NUSAP1: variants seen among roughly 807,000 people sequenced by gnomAD.
NUSAP1 encodes the protein nucleolar and spindle associated protein 1.
NUSAP1 carries 32 observed loss-of-function variants against 52.8 expected under a neutral mutation model. The ratio of observed to expected loss-of-function variants is 0.61; its 90% CI spans 0.46 to 0.81. The LOEUF (loss-of-function observed/expected upper bound fraction) is 0.81, where lower values mean the gene tolerates loss of function less well. Ranked by LOEUF, NUSAP1 falls within the 40% of genes least tolerant of loss-of-function variation. NUSAP1 has a pLI of 0.00. For synonymous variants in NUSAP1, 195 were observed against 183.1 expected, an observed-to-expected ratio of 1.06 and a Z score of -0.52; for missense variants, 499 against 522.3, an observed-to-expected ratio of 0.96 and a Z score of 0.43.
chr15:41,368,375 C>T (rs2049507607), intron 7 of NUSAP1, among the ~76,000 whole-genome samples: 1 of 152,168 alleles, frequency 6.6e-6, no homozygotes. Flanking sequence ...GAAACTTTTC[C>T]ATTGACTTAA....
intron 6 of NUSAP1, among the ~76,000 whole-genome samples, chr15:41,361,203 G>A (rs1595573681): frequency 6.6e-6 from 1 of 152,040 alleles, no homozygotes; most frequent in Non-Finnish European, 1.5e-5. Flanking sequence ...AGACCAGCCT[G>A]ACCAACATGG....
intron 1 of NUSAP1, among the ~76,000 whole-genome samples, chr15:41,338,943 C>T (rs920276919): frequency 4.6e-5 from 7 of 151,646 alleles, no homozygotes; most frequent in African/African-American, 1.2e-4. Flanking sequence ...CCACCCTGGG[C>T]GACAGAGCGA....
chr15:41,380,377 T>G lies in NUSAP1; in HGVS notation c.*191T>G, dbSNP rs909162262. ...AGACGTTATCACCTTAAAGCTCAAA[T>G]TCTTTGGGATGGTTTTTACTTAAGT... is the stretch of plus-strand genomic sequence containing the variant. On this transcript the variant is annotated 3_prime_UTR_variant, in exon 11 of 11. Transcript: ENST00000559596. 7.1e-6 allele frequency: 3 copies of G among 425,378 alleles called. No homozygotes were observed. Among genetic ancestry groups the G allele is most frequent in the Non-Finnish European group, 1.3e-5 (3 of 236,820 alleles). The allele number at this position is 425,378 out of a possible 1,614,324, so 26.4% of individuals were successfully genotyped here.
chr15:41,343,187 G>A (rs915816451), intron 2 of NUSAP1: 1 of 152,206 alleles, frequency 6.6e-6, no homozygotes, highest in African/African-American at 2.4e-5. Context: ...AGTGTTGTGA[G>A]CATCACATGA....
intron 7 of NUSAP1, 115 bp from the exon 8 acceptor site, chr15:41,371,409 AATT>A (rs914163447): frequency 2.7e-6 from 2 of 754,350 alleles, no homozygotes; most frequent in Non-Finnish European, 4.1e-6. Context: ...TTCCTATGAC[AATT>A]ATTAATTGAG....
rs968365591 is a variant in NUSAP1, at chr15:41,367,571, G to A, written c.848+1982G>A. On this transcript the variant is annotated intron_variant, in intron 7 of 10. Coordinates refer to ENST00000559596, the MANE Select transcript of NUSAP1 (RefSeq NM_016359.5). ...GTTCTGTGCTGCAGAAGCTAGTGGC[G>A]GGTAGATAATGCACACCTTGTGCTC... 3.3e-5 allele frequency among the ~76,000 whole-genome samples: 5 copies of A among 152,266 alleles called. No individual in the cohort carries two copies. In the East Asian group the frequency reaches 7.7e-4, roughly 24 times the overall value.
chr15:41,363,612 G>T (rs2049274148), intron 6 of NUSAP1, among the ~76,000 whole-genome samples: 1 of 151,730 alleles, frequency 6.6e-6, no homozygotes, highest in South Asian at 2.1e-4. Flanking sequence ...GGCTCAAGCG[G>T]TCCCCCCTCT....
intron 1 of NUSAP1, among the ~76,000 whole-genome samples, chr15:41,341,297 C>G (rs1316519603): frequency 6.6e-6 from 1 of 152,138 alleles, no homozygotes; most frequent in Non-Finnish European, 1.5e-5. Flanking sequence ...AACCCCTGAC[C>G]TCGTGATCCA....
chr15:41,336,669 T>TTTTTTTA (rs1555426254), intron 1 of NUSAP1, among the ~76,000 whole-genome samples: 1 of 148,190 alleles, frequency 6.7e-6, no homozygotes, highest in African/African-American at 2.5e-5. Flanking sequence ...TTTTTTTTTT[T>TTTTTTTA]GAGATAAGGT....
chr15:41,371,627 G>A lies in NUSAP1; in HGVS notation c.949G>A (p.Gly317Ser). ...GACCGTGTCTGGGGGCACCCCAAAA[G>A]GCGAGGCTGTGCTTGGGACACACAA... ...HVTVSGGTPK[G>S]EAVLGTHKLK... Residue 317 changes from glycine (G) to serine (S), a missense_variant, in exon 8 of 11, where the codon GGC becomes AGC. Physicochemically the swap from Gly to Ser is moderately conservative, Grantham distance 56. Coordinates refer to ENST00000559596, the MANE Select transcript of NUSAP1 (RefSeq NM_016359.5). The A allele has an allele frequency of 1.2e-6, 2 of 1,610,396 alleles. No homozygotes were observed. The highest frequency in any genetic ancestry group is 1.7e-6 in the Non-Finnish European group (2 of 1,178,910).
At chr15:41,344,563 A>T (rs1264347009) in intron 2 of NUSAP1, among the ~76,000 whole-genome samples, 3 of 151,960 alleles carry the variant, frequency 2.0e-5, no homozygotes, top group African/African-American at 7.3e-5. Context: ...GAGTGAACCC[A>T]GGAGGCGGAG....
At chr15:41,373,448 C>CTTTT (rs763340655) in intron 8 of NUSAP1, among the ~76,000 whole-genome samples, 9 of 117,294 alleles carry the variant, frequency 7.7e-5, no homozygotes, top group African/African-American at 2.3e-4. Context: ...AATTCATATT[C>CTTTT]TTTTTTTTTT....
chr15:41,332,901 C>A lies in NUSAP1; in HGVS notation c.-57C>A. On this transcript the variant is annotated 5_prime_UTR_variant, in exon 1 of 11. Coordinates refer to ENST00000559596, the MANE Select transcript of NUSAP1 (RefSeq NM_016359.5). ...TAAGAGTGGCGCCAGGGATTTGAAC[C>A]GCGCTGACGAAGTTTGGTGATCCAT... The A allele has an allele frequency of 7.2e-6, 10 of 1,384,646 alleles. No individual in the cohort carries two copies. The highest frequency in any genetic ancestry group is 9.1e-6 in the Non-Finnish European group (9 of 990,524). 85.8% of individuals were successfully genotyped at this position (1,384,646 alleles called of 1,614,324 possible). A position where few individuals can be genotyped will look rare whatever the true frequency, so the allele number is the denominator to read the frequency against.
chr15:41,373,250 C>T (rs7162242), intron 8 of NUSAP1, among the ~76,000 whole-genome samples: 2,551 of 151,868 alleles, frequency 0.017, 71 homozygotes, highest in African/African-American at 0.055. Context: ...GAAAATTAGC[C>T]GGGCGTGGTG....
chr15:41,357,233 C>A (rs1187245145), intron 5 of NUSAP1, among the ~76,000 whole-genome samples: 1 of 151,702 alleles, frequency 6.6e-6, no homozygotes, highest in African/African-American at 2.4e-5. Context: ...CCAGGTGTGG[C>A]GGCAGGTGCC....
chr15:41,380,051 T>C (rs202071550), intron 10 of NUSAP1, 42 bp from the exon 11 acceptor site: 2 of 1,435,416 alleles, frequency 1.4e-6, no homozygotes, highest in Non-Finnish European at 1.9e-6. Context: ...GTATCTGTTT[T>C]GGAGCCTCCC....
chr15:41,375,284 TCTC>T (rs980825060), intron 8 of NUSAP1, among the ~76,000 whole-genome samples: 11 of 151,402 alleles, frequency 7.3e-5, no homozygotes, highest in Middle Eastern at 3.4e-3. Flanking sequence ...TTCAAGCAAT[TCTC>T]CTGCCTCAGC....
At chr15:41,342,699 G>A (rs1029514031) in intron 2 of NUSAP1, among the ~76,000 whole-genome samples, 2 of 152,120 alleles carry the variant, frequency 1.3e-5, no homozygotes, top group African/African-American at 2.4e-5. Context: ...TTAGCCAGAT[G>A]TGGTGGCGGG....
chr15:41,337,559 A>C (rs1325483253), intron 1 of NUSAP1, among the ~76,000 whole-genome samples: 1 of 152,084 alleles, frequency 6.6e-6, no homozygotes, highest in Non-Finnish European at 1.5e-5. Flanking sequence ...AAAAAGCCAA[A>C]ATCCTCTCCT....
Sources: allele counts gnomAD v4.1 joint callset (sites outside exome capture counted in the v4.1 genomes callset), GRCh38; gene constraint gnomAD v4.1.1; transcripts MANE v1.5; gene names NCBI Gene and HGNC (gene_info 2026-07-23, HGNC 2026-07-21).